Variants in PDE1A observed in about 807,000 individuals in gnomAD.
PDE1A encodes the protein phosphodiesterase 1A.
Under a neutral mutation model 61.7 loss-of-function variants are expected in PDE1A, and 35 were observed. The ratio of observed to expected loss-of-function variants is 0.57; its 90% confidence interval spans 0.43 to 0.75. PDE1A has a LOEUF of 0.75. PDE1A is among the 30% of genes least tolerant of loss of function. The pLI is 0.00. For synonymous variants in PDE1A, 232 were observed against 213.2 expected, an observed-to-expected ratio of 1.09 and a Z score of -0.77; for missense variants, 597 against 630.6, an observed-to-expected ratio of 0.95 and a Z score of 0.57.
the PDE1A span, among the ~76,000 whole-genome samples, chr2:182,699,424 A>T: frequency 6.6e-6 from 1 of 152,222 alleles, no homozygotes; most frequent in East Asian, 1.9e-4. Context: ...TCACTGAAGA[A>T]TAAAGCACTG....
chr2:182,355,769 CAG>C (rs1699143678), intron 1 of PDE1A, among the ~76,000 whole-genome samples: 1 of 152,000 alleles, frequency 6.6e-6, no homozygotes, highest in Non-Finnish European at 1.5e-5. Flanking sequence ...CTCATAATTC[CAG>C]TTTAGTTCCT....
intron 2 of PDE1A, among the ~76,000 whole-genome samples, chr2:182,487,983 T>C (rs1688123649): frequency 6.6e-6 from 1 of 152,204 alleles, no homozygotes; most frequent in Non-Finnish European, 1.5e-5. Context: ...AAGATCTGAA[T>C]ATACCACTGT....
chr2:182,431,121 T>TAAAAAAAAAAAAAAAAAAAAA (rs538631665), upstream of PDE1A, among the ~76,000 whole-genome samples: 1 of 121,518 alleles, frequency 8.2e-6, no homozygotes, highest in Non-Finnish European at 1.7e-5. Context: ...AAAAAAACAT[T>TAAAAAAAAAAAAAAAAAAAAA]AAAAAAAAAA....
intron 1 of PDE1A, among the ~76,000 whole-genome samples, chr2:182,272,045 T>A (rs1410462174): frequency 6.6e-6 from 1 of 152,046 alleles, no homozygotes; most frequent in African/African-American, 2.4e-5. Context: ...CCAATTTCTA[T>A]CCCAGGAAGT....
At chr2:182,222,367 A>G (rs1688800322) in intron 7 of PDE1A, among the ~76,000 whole-genome samples, 1 of 152,094 alleles carries the variant, frequency 6.6e-6, no homozygotes, top group Middle Eastern at 3.4e-3. Flanking sequence ...TAAAGAGACC[A>G]GTGGTTGCCA....
intron 1 of PDE1A, among the ~76,000 whole-genome samples, chr2:182,326,587 TAC>T (rs1191977052): frequency 6.6e-6 from 1 of 152,200 alleles, no homozygotes; most frequent in East Asian, 1.9e-4. Flanking sequence ...GTTAAATGGA[TAC>T]AGAGTTTCAG....
chr2:182,665,609 C>T, the PDE1A span, among the ~76,000 whole-genome samples: 1 of 152,170 alleles, frequency 6.6e-6, no homozygotes, highest in Non-Finnish European at 1.5e-5. Flanking sequence ...TGCTTTTACA[C>T]TGTTGGTGGG....
chr2:182,292,184 T>C (rs1694580752), intron 1 of PDE1A, among the ~76,000 whole-genome samples: 1 of 146,208 alleles, frequency 6.8e-6, no homozygotes, highest in Non-Finnish European at 1.5e-5. Flanking sequence ...TTTATAAGCT[T>C]CTGAAAGACC....
At chr2:182,513,591 T>A (rs550271836) in intron 2 of PDE1A, among the ~76,000 whole-genome samples, 2 of 152,190 alleles carry the variant, frequency 1.3e-5, no homozygotes, top group Non-Finnish European at 2.9e-5. Context: ...AATCTTCACA[T>A]ATCGATGTTA....
chr2:182,312,569 C>A (rs12614214), intron 1 of PDE1A, among the ~76,000 whole-genome samples: 36,121 of 152,054 alleles, frequency 0.24, 4,643 homozygotes, highest in East Asian at 0.48. Context: ...GCTATTATCT[C>A]TCCACTGAAT....
the PDE1A span, among the ~76,000 whole-genome samples, chr2:182,539,554 A>G: frequency 2.6e-5 from 4 of 152,220 alleles, no homozygotes; most frequent in Non-Finnish European, 5.9e-5. Context: ...AAAGCTATCT[A>G]TGGGAATATT....
chr2:182,189,032 G>A lies in PDE1A; in HGVS notation c.1154C>T (p.Pro385Leu), dbSNP rs1312052623. The A allele has an allele frequency of 3.7e-6, 6 of 1,612,886 alleles. No homozygotes were observed. In the Admixed American group the frequency reaches 8.3e-5, roughly 22 times the overall value. Residue 385 changes from proline (P) to leucine (L), a missense_variant, in exon 11 of 14, where the codon CCA (proline) becomes CTA (leucine). Pro to Leu is a moderately conservative substitution (Grantham distance 98). Transcript: ENST00000351439. ...CTTCCGATCACAAAGTGGGGAAAAT[G>A]GAAGCCCTAATTCAGCTTCTTTATC...
intron 2 of PDE1A, among the ~76,000 whole-genome samples, chr2:182,461,737 T>C (rs1448271840): frequency 6.6e-6 from 1 of 152,154 alleles, no homozygotes; most frequent in Non-Finnish European, 1.5e-5. Context: ...TCTTCAGCTA[T>C]GGTTTGATTC....
the PDE1A span, among the ~76,000 whole-genome samples, chr2:182,532,225 A>G: frequency 6.6e-6 from 1 of 152,186 alleles, no homozygotes; most frequent in Admixed American, 6.5e-5. Context: ...AGTTTCAAAG[A>G]GCTAGAAGAA....
chr2:182,230,851 T>C (rs1320150084), intron 5 of PDE1A, among the ~76,000 whole-genome samples, 164 bp downstream of exon 5: 1 of 152,196 alleles, frequency 6.6e-6, no homozygotes. Context: ...CAGTGACTTG[T>C]GGAGAATGGT....
At chr2:182,626,802 C>CATATATATACATATATATAT in the PDE1A span, among the ~76,000 whole-genome samples, 1 of 5,406 alleles carries the variant, frequency 1.8e-4, no homozygotes, top group Non-Finnish European at 4.7e-4. Flanking sequence ...CATATATATA[C>CATATATATACATATATATAT]ATATATATAT....
chr2:182,578,883 G>T, the PDE1A span, among the ~76,000 whole-genome samples: 1 of 152,114 alleles, frequency 6.6e-6, no homozygotes, highest in African/African-American at 2.4e-5. Context: ...TGACCTTGTT[G>T]CAATAACAAA....
chr2:182,575,919 A>G, the PDE1A span, among the ~76,000 whole-genome samples: 1 of 147,026 alleles, frequency 6.8e-6, no homozygotes, highest in African/African-American at 2.5e-5. Flanking sequence ...ATAGTATCAT[A>G]TTATTATACT....
chr2:182,186,386 G>A (rs1685207896), intron 12 of PDE1A, 82 bp downstream of exon 12: 2 of 1,467,800 alleles, frequency 1.4e-6, no homozygotes, highest in African/African-American at 1.4e-5. Context: ...TCTCTGCCTA[G>A]ATGTGAGAAA....
Sources: allele counts gnomAD v4.1 joint callset (sites outside exome capture counted in the v4.1 genomes callset), GRCh38; gene constraint gnomAD v4.1.1; transcripts MANE v1.5; gene names NCBI Gene and HGNC (gene_info 2026-07-23, HGNC 2026-07-21).